CCNP: variants seen among roughly 807,000 people sequenced by gnomAD.
The protein encoded by CCNP is cyclin P, also known as cyclin-P.
In CCNP, 18 loss-of-function variants were observed where a neutral mutation model predicts 19.6. The ratio of observed to expected loss-of-function variants is 0.92; its 90% CI spans 0.64 to 1.36. The LOEUF is 1.36. CCNP is among the 40% of genes most tolerant of loss of function. The pLI, the probability that CCNP is intolerant of heterozygous loss-of-function variation, is 0.00. For synonymous variants in CCNP, 228 were observed against 194.9 expected (o/e 1.17, Z -1.41); for missense variants, 440 against 424.4 (o/e 1.04, Z -0.32).
chr19:40,223,310 G>A lies in CCNP; in HGVS notation c.673-7C>T. 6.6e-7 allele frequency: 1 copy of A among 1,511,116 alleles called. No homozygotes were observed. Among genetic ancestry groups the A allele is most frequent in the Middle Eastern group, 1.7e-4 (1 of 5,824 alleles). 93.6% of individuals were successfully genotyped at this position (1,511,116 alleles called of 1,614,324 possible). A position where few individuals can be genotyped will look rare whatever the true frequency, so the allele number is the denominator to read the frequency against. ...AGGTGGCAAGTAACATCACCTGCAA[G>A]TGAGGCGGGGCGACTGTCAGGCCAC... is the stretch of plus-strand genomic sequence containing the variant. On this transcript the variant is annotated splice_region_variant and splice_polypyrimidine_tract_variant and intron_variant, in intron 4 of 4. Coordinates refer to ENST00000430325, the MANE Select transcript of CCNP (RefSeq NM_024877.4).
rs755600044 is a variant in CCNP at position 40,226,373 on chromosome 19, A to G, written c.267+2T>C. 2 of 1,605,234 alleles carry G rather than the reference A, an allele frequency of 1.2e-6. No individual in the cohort carries two copies. The highest frequency in any genetic ancestry group is 1.7e-6 in the Non-Finnish European group (2 of 1,179,598). On this transcript the variant is annotated splice_donor_variant, in intron 1 of 4. Coordinates refer to ENST00000430325, the MANE Select transcript of CCNP (RefSeq NM_024877.4). LOFTEE classifies it high-confidence loss of function. ...ACCAGGGCAGGCGGCGGGTAGGCTCACCATGACTTCGGCGAAGATGTCCCC... is the reference window on the plus strand; with the variant it reads ...ACCAGGGCAGGCGGCGGGTAGGCTCGCCATGACTTCGGCGAAGATGTCCCC...
Position 40,222,860 on chromosome 19 carries a change from G to C in CCNP, c.*192C>G. 1.9e-6 allele frequency: 1 copy of C among 520,876 alleles called. No homozygotes were observed. Among genetic ancestry groups the C allele is most frequent in the Non-Finnish European group, 3.4e-6 (1 of 293,062 alleles). 32.3% of individuals were successfully genotyped at this position (520,876 alleles called of 1,614,324 possible). On this transcript the variant is annotated 3_prime_UTR_variant, in exon 5 of 5. Transcript: ENST00000430325. ...AACACCCCATCCACCACCAGATACA[G>C]AGATGGAGGACTCGAGGCCTGGGTG...
At position 40,224,734 on chromosome 19, in the gene CCNP, C is replaced by T; in HGVS notation, c.345G>A (p.Leu115=). 6.3e-7 allele frequency: 1 copy of T among 1,576,452 alleles called. No individual in the cohort carries two copies. The stretch of plus-strand genomic sequence containing the variant: ...TCCAGATACCTACGTGCACCTGGAC[C>T]AGCCAGTCTACCACCAGGGCGCGCA... ...PEMRALVVDW[L]VQVHEYLGLA... is the part of the protein sequence containing the mutation. Residue 115 remains leucine, a synonymous_variant, in exon 2 of 5, where the codon CTG becomes CTA. Transcript: ENST00000430325.
rs550443658 is a variant in CCNP, at chr19:40,223,198, G to A, written c.778C>T (p.Arg260Cys). The A allele has an allele frequency of 1.9e-5, 30 of 1,550,550 alleles. No homozygotes were observed. The Admixed American group carries it at 2.9e-4, about 15-fold the overall frequency. Residue 260 changes from arginine to cysteine, a missense_variant, in exon 5 of 5, where the codon CGC (arginine) becomes TGC (cysteine). Coordinates refer to ENST00000430325, the MANE Select transcript of CCNP (RefSeq NM_024877.4). ...RAAAALSLAH[R>C]LLDGAGSRLQ... ...CTGGAGCCCGCCCCGTCGAGCAAGCGGTGCGCCAGGCTCAGAGCCGCAGCC... is the reference window on the plus strand; with the variant it reads ...CTGGAGCCCGCCCCGTCGAGCAAGCAGTGCGCCAGGCTCAGAGCCGCAGCC...
chr19:40,223,362 C>A (rs547916264), intron 4 of CCNP, 26 bp downstream of exon 4: 2 of 1,493,516 alleles, frequency 1.3e-6, no homozygotes, highest in East Asian at 2.5e-5. Context: ...GCCACGCCCC[C>A]ACCCCGCGTA....
At chr19:40,226,345 C>A in intron 1 of CCNP, 30 bp downstream of exon 1, 1 of 1,597,398 alleles carries the variant, frequency 6.3e-7, no homozygotes, top group Non-Finnish European at 8.5e-7. Context: ...CGGCGTCGCC[C>A]TCACCAGGGC....
chr19:40,226,552 A>G lies in CCNP; in HGVS notation c.90T>C (p.Ser30=). 6.3e-7 allele frequency: 1 copy of G among 1,580,364 alleles called. No homozygotes were observed. The highest frequency in any genetic ancestry group is 8.6e-7 in the Non-Finnish European group (1 of 1,165,516). The part of the protein sequence containing the change: ...RWAPRPSPLQ[S]LAASLDAEPS... The stretch of plus-strand genomic sequence containing the variant: ...GCTCTGCGTCGAGGGAGGCAGCGAG[A>G]CTCTGCAAAGGAGAGGGCCTGGGGG... Residue 30 remains serine (S), a synonymous_variant, in exon 1 of 5, where the codon AGT becomes AGC. Transcript: ENST00000430325.
In CCNP at chr19:40,223,536, A is replaced by G. The variant is rs752491330; in HGVS notation, c.524T>C (p.Leu175Pro). 7 of 1,599,518 alleles carry G rather than the reference A, an allele frequency of 4.4e-6. No homozygotes were observed. The South Asian group carries it at 7.8e-5, about 18-fold the overall frequency. The change falls in exon 4 of 5, where the codon CTC becomes CCC. Residue 175 changes from leucine to proline, a missense_variant. Physicochemically the swap from Leu to Pro is moderately conservative, Grantham distance 98. Transcript: ENST00000430325. The stretch of plus-strand genomic sequence containing the variant: ...GAAGGAGTCCGCGCTCAGGAGGCAG[A>G]GGAAGGCGGGCTGCAGATGGGGGAT... ...EECVLPEPAF[L>P]CLLSADSFSR... is the part of the protein sequence containing the mutation.
At chr19:40,225,225 A>G (rs577116310) in intron 1 of CCNP, among the ~76,000 whole-genome samples, 21 of 151,926 alleles carry the variant, frequency 1.4e-4, no homozygotes, top group Admixed American at 3.3e-4. Context: ...ATGCCCGGCT[A>G]ATTTTTATAT....
rs748588547 is a variant in CCNP at position 40,224,518 on chromosome 19, C to T, written c.483G>A (p.Ala161=). 2 of 1,614,082 alleles carry T rather than the reference C, an allele frequency of 1.2e-6. No homozygotes were observed. Among genetic ancestry groups the T allele is most frequent in the East Asian group, 2.2e-5 (1 of 44,902 alleles). Residue 161 remains alanine, a synonymous_variant, in exon 3 of 5, where the codon GCG becomes GCA. Transcript: ENST00000430325. ...QLLGVACLFV[A]CKMEECVLPE... is the part of the protein sequence containing the mutation. ...GAAGCACGCACTCTTCCATTTTGCA[C>T]GCCACAAACAGGCAAGCCACGCCCA...
In CCNP at chr19:40,226,399, G is replaced by A. The variant is rs745727938; in HGVS notation, c.243C>T (p.Ala81=). 4.4e-6 allele frequency: 7 copies of A among 1,607,220 alleles called. No individual in the cohort carries two copies. Among genetic ancestry groups the A allele is most frequent in the Non-Finnish European group, 5.1e-6 (6 of 1,179,710 alleles). Reference sequence around the variant, plus strand: ...CCATGACTTCGGCGAAGATGTCCCCGGCGTACTCGCGTTCTCCCTGCAGCC... The same window carrying A: ...CCATGACTTCGGCGAAGATGTCCCCAGCGTACTCGCGTTCTCCCTGCAGCC... The part of the protein sequence containing the change: ...ALGLQGEREY[A]GDIFAEVMVC... The change falls in exon 1 of 5, where the codon GCC becomes GCT. Residue 81 remains alanine, a synonymous_variant. Transcript: ENST00000430325.
rs760984116 is a variant in CCNP at position 40,224,686 on chromosome 19, G to A, written c.357+36C>T. 6.2e-6 allele frequency: 10 copies of A among 1,610,158 alleles called. No homozygotes were observed. In the East Asian group the frequency reaches 2.2e-4, roughly 36 times the overall value. On this transcript the variant is annotated intron_variant, in intron 2 of 4. Transcript: ENST00000430325. Reference sequence around the variant, plus strand: ...TGACCACGGGGTCCTGGGCGGCGACGCAAACTCAGCCCCCCACACCCTTCC... The same window carrying A: ...TGACCACGGGGTCCTGGGCGGCGACACAAACTCAGCCCCCCACACCCTTCC...
At position 40,223,237 on chromosome 19, in the gene CCNP, G is replaced by C; in HGVS notation, c.739C>G (p.Pro247Ala). ...AGAGCCGCAGCCGCACGACGACCCG[G>C]CTCCCATCCCGCCGCCTCGGCCTCC... ...LLEAEAAGWE[P>A]GRRAAAALSL... The change falls in exon 5 of 5, where the codon CCG (proline) becomes GCG (alanine). Residue 247 changes from proline (P) to alanine (A), a missense_variant. Physicochemically the swap from Pro to Ala is conservative, Grantham distance 27. Transcript: ENST00000430325. 3 of 1,546,438 alleles carry C rather than the reference G, an allele frequency of 1.9e-6. No individual in the cohort carries two copies. Among genetic ancestry groups the C allele is most frequent in the Non-Finnish European group, 2.6e-6 (3 of 1,143,994 alleles).
Position 40,226,618 on chromosome 19 carries a change from C to G in CCNP, c.24G>C (p.Gln8His). 1 of 1,579,204 alleles carries G rather than the reference C, an allele frequency of 6.3e-7. No homozygotes were observed. Among genetic ancestry groups the G allele is most frequent in the Non-Finnish European group, 8.6e-7 (1 of 1,163,906 alleles). MLVRGRD[Q>H]GSGSRLGPIV... The stretch of plus-strand genomic sequence containing the variant: ...TAGGCCCGAGCCGGGAGCCGGACCC[C>G]TGGTCCCTGCCTCTCACCAGCATCC... The change falls in exon 1 of 5, where the codon CAG becomes CAC. Residue 8 changes from glutamine to histidine, a missense_variant. By Grantham distance (24) the Gln-to-His change is conservative. Coordinates refer to ENST00000430325, the MANE Select transcript of CCNP (RefSeq NM_024877.4).
intron 1 of CCNP, among the ~76,000 whole-genome samples, chr19:40,225,559 C>T (rs1046698773): frequency 6.6e-6 from 1 of 152,206 alleles, no homozygotes; most frequent in Admixed American, 6.5e-5. Context: ...ACAACCCATG[C>T]GTCAGCCACA....
At position 40,224,546 on chromosome 19, in the gene CCNP, AGCT is replaced by A. The variant is rs767543113; in HGVS notation, c.452_454del (p.Gln151del). On this transcript the variant is annotated inframe_deletion, in exon 3 of 5. Transcript: ENST00000430325. ...CACAAACAGGCAAGCCACGCCCAGC[AGCT>A]GCAGGCGATGTAGACGCACGCGGCC... is the stretch of plus-strand genomic sequence containing the variant. The A allele has an allele frequency of 3.1e-6, 5 of 1,614,228 alleles. No homozygotes were observed. The Admixed American group carries it at 8.3e-5, about 27-fold the overall frequency.
At chr19:40,226,069 A>G (rs1434840834) in intron 1 of CCNP, among the ~76,000 whole-genome samples, 1 of 152,246 alleles carries the variant, frequency 6.6e-6, no homozygotes, top group Non-Finnish European at 1.5e-5. Context: ...TCCAGCACCT[A>G]AAACATTTGC....
At position 40,223,038 on chromosome 19, in the gene CCNP, G is replaced by A. The variant is rs909011365; in HGVS notation, c.*14C>T. The A allele has an allele frequency of 2.1e-6, 3 of 1,457,508 alleles. No individual in the cohort carries two copies. Among genetic ancestry groups the A allele is most frequent in the African/African-American group, 2.8e-5 (2 of 70,722 alleles). The allele number at this position is 1,457,508 out of a possible 1,614,324, so 90.3% of individuals were successfully genotyped here. ...CCACACCCAGAAAAATCAAGTCTAGGTGCCACCTCCTCCTCAATAATTGTC... is the reference window on the plus strand; with the variant it reads ...CCACACCCAGAAAAATCAAGTCTAGATGCCACCTCCTCCTCAATAATTGTC... On this transcript the variant is annotated 3_prime_UTR_variant, in exon 5 of 5. Coordinates refer to ENST00000430325, the MANE Select transcript of CCNP (RefSeq NM_024877.4).
Position 40,223,565 on chromosome 19 carries a change from G to T in CCNP, c.514-19C>A, listed in dbSNP as rs747371646. On this transcript the variant is annotated intron_variant, in intron 3 of 4. Transcript: ENST00000430325. ...AGGCGGGCTGCAGATGGGGGATGCG[G>T]GGGGAGGTGAAGGAGTCTTGGATCC... 1.9e-6 allele frequency: 3 copies of T among 1,598,394 alleles called. No individual in the cohort carries two copies. The highest frequency in any genetic ancestry group is 2.6e-6 in the Non-Finnish European group (3 of 1,169,658).
Sources: allele counts gnomAD v4.1 joint callset (sites outside exome capture counted in the v4.1 genomes callset), GRCh38; gene constraint gnomAD v4.1.1; transcripts MANE v1.5; gene names NCBI Gene and HGNC (gene_info 2026-07-23, HGNC 2026-07-21).